SEZ6L: variants seen among roughly 807,000 people sequenced by gnomAD.
SEZ6L encodes seizure related 6 homolog like, also known as seizure 6-like protein.
SEZ6L carries 37 observed loss-of-function variants against 106.2 expected under a neutral mutation model. The observed-to-expected ratio is 0.35, with a 90% CI of 0.27 to 0.46. SEZ6L has a LOEUF of 0.46. Among genes scored for constraint, SEZ6L ranks in the 20% least tolerant of loss-of-function variants. SEZ6L has a pLI of 1.00. For missense variants in SEZ6L, 1,172 were observed against 1,332.8 expected, an observed-to-expected ratio of 0.88 and a Z score of 1.88; for synonymous variants, 541 against 570.4, an observed-to-expected ratio of 0.95 and a Z score of 0.73.
At chr22:26,301,416 C>T (rs2081451236) in intron 5 of SEZ6L, among the ~76,000 whole-genome samples, 1 of 152,192 alleles carries the variant, frequency 6.6e-6, no homozygotes, top group African/African-American at 2.4e-5. Flanking sequence ...TGACCCAGTT[C>T]CTGCTCTCAC....
intron 1 of SEZ6L, among the ~76,000 whole-genome samples, chr22:26,212,383 C>T (rs1381231859): frequency 6.6e-6 from 1 of 152,116 alleles, no homozygotes; most frequent in Non-Finnish European, 1.5e-5. Flanking sequence ...GAGTTGGAAA[C>T]CCCATTGCTC....
intron 13 of SEZ6L, among the ~76,000 whole-genome samples, 183 bp from the exon 14 acceptor site, chr22:26,373,268 T>G (rs1076660): frequency 0.71 from 108,557 of 152,034 alleles, 39,143 homozygotes; most frequent in East Asian, 0.98. Flanking sequence ...CTTCTCTTGG[T>G]AACTTAGGAA....
chr22:26,303,665 A>C (rs2081522157), intron 5 of SEZ6L, among the ~76,000 whole-genome samples: 1 of 152,226 alleles, frequency 6.6e-6, no homozygotes, highest in African/African-American at 2.4e-5. Context: ...TATTCAGTAA[A>C]TATTTACTGA....
intron 1 of SEZ6L, among the ~76,000 whole-genome samples, chr22:26,230,054 C>T (rs2145742843): frequency 6.6e-6 from 1 of 152,342 alleles, no homozygotes; most frequent in African/African-American, 2.4e-5. Context: ...GTGCCCGCAG[C>T]TGTGAAGACG....
intron 5 of SEZ6L, among the ~76,000 whole-genome samples, chr22:26,302,899 C>A (rs985832): frequency 0.082 from 12,467 of 152,300 alleles, 619 homozygotes; most frequent in Middle Eastern, 0.13. Flanking sequence ...CAGAGCCCCC[C>A]ACCAGGGACA....
At chr22:26,170,111 C>G (rs1380963936) in intron 1 of SEZ6L, among the ~76,000 whole-genome samples, 2 of 152,068 alleles carry the variant, frequency 1.3e-5, no homozygotes, top group African/African-American at 4.8e-5. Context: ...GCAACCGCAC[C>G]CGGGGCTAGG....
At chr22:26,369,347 T>C (rs1364926337) in intron 13 of SEZ6L, among the ~76,000 whole-genome samples, 1 of 76,412 alleles carries the variant, frequency 1.3e-5, no homozygotes, top group Non-Finnish European at 2.1e-5. Context: ...AGTTCTTTTG[T>C]TTTTTTTTTT....
Position 26,299,019 on chromosome 22 carries a change from G to C in SEZ6L, c.1198G>C (p.Asp400His). Residue 400 changes from aspartate to histidine, a missense_variant, in exon 5 of 17, where the codon GAC becomes CAC. This residue lies in a region of SEZ6L where 534 missense variants were observed against 691.0 expected (regional missense o/e 0.77). Coordinates refer to ENST00000248933, the MANE Select transcript of SEZ6L (RefSeq NM_021115.5). ...GAGCTGCAACTTTCCCCGCCGGCCT[G>C]ACTCTGGGGATGTCACGGTGATGGA... is the stretch of plus-strand genomic sequence containing the variant. Reference protein sequence around the residue: ...MLSCNFPRRPDSGDVTVMDLH... With the variant: ...MLSCNFPRRPHSGDVTVMDLH... 6.3e-7 allele frequency: 1 copy of C among 1,595,118 alleles called. No homozygotes were observed. Among genetic ancestry groups the C allele is most frequent in the Admixed American group, 1.7e-5 (1 of 57,206 alleles).
rs2081159036 is a variant in SEZ6L, at chr22:26,292,464, C to T, written c.153C>T (p.Ala51=). The T allele has an allele frequency of 1.2e-6, 2 of 1,613,852 alleles. No individual in the cohort carries two copies. Among genetic ancestry groups the T allele is most frequent in the African/African-American group, 2.7e-5 (2 of 74,906 alleles). Residue 51 remains alanine, a synonymous_variant, in exon 2 of 17, where the codon GCC becomes GCT. Transcript: ENST00000248933. ...PLGPYLLPSG[A]PERGSPGKEH... ...GTCCTTACCTCCTGCCCTCAGGAGCCCCGGAGAGAGGCAGTCCTGGCAAAG... is the reference window on the plus strand; with the variant it reads ...GTCCTTACCTCCTGCCCTCAGGAGCTCCGGAGAGAGGCAGTCCTGGCAAAG...
intron 1 of SEZ6L, among the ~76,000 whole-genome samples, chr22:26,285,212 C>T (rs1392780398): frequency 6.6e-6 from 1 of 152,156 alleles, no homozygotes; most frequent in African/African-American, 2.4e-5. Context: ...GCAGCTGTTG[C>T]CTGGGCCAGT....
At chr22:26,294,777 T>C (rs975374697) in intron 3 of SEZ6L, among the ~76,000 whole-genome samples, 5 of 151,860 alleles carry the variant, frequency 3.3e-5, no homozygotes, top group East Asian at 3.9e-4. Context: ...ACCTGATTCA[T>C]TTGATTCTTT....
intron 1 of SEZ6L, among the ~76,000 whole-genome samples, chr22:26,261,842 T>C (rs2080018295): frequency 6.6e-6 from 1 of 152,084 alleles, no homozygotes; most frequent in South Asian, 2.1e-4. Flanking sequence ...GATACGAGTA[T>C]TTTGGAGAAG....
chr22:26,282,451 G>A (rs1389491597), intron 1 of SEZ6L, among the ~76,000 whole-genome samples: 1 of 152,122 alleles, frequency 6.6e-6, no homozygotes, highest in Non-Finnish European at 1.5e-5. Flanking sequence ...TTGTTCTCAG[G>A]CCATTGAACC....
intron 5 of SEZ6L, among the ~76,000 whole-genome samples, chr22:26,299,571 T>C (rs1171337093): frequency 6.6e-6 from 1 of 152,264 alleles, no homozygotes; most frequent in East Asian, 1.9e-4. Flanking sequence ...TCATATAATA[T>C]GTGACTTTCA....
At chr22:26,213,020 G>C (rs1311318759) in intron 1 of SEZ6L, among the ~76,000 whole-genome samples, 1 of 152,206 alleles carries the variant, frequency 6.6e-6, no homozygotes, top group Non-Finnish European at 1.5e-5. Flanking sequence ...CCAAAGCCCA[G>C]TGCTAGATAT....
At chr22:26,331,227 G>A (rs1026093692) in intron 9 of SEZ6L, among the ~76,000 whole-genome samples, 1 of 152,200 alleles carries the variant, frequency 6.6e-6, no homozygotes, top group African/African-American at 2.4e-5. Flanking sequence ...AACCAGAGAT[G>A]GGTTCGCTGG....
At chr22:26,344,357 T>C (rs2082941105) in intron 10 of SEZ6L, among the ~76,000 whole-genome samples, 1 of 152,222 alleles carries the variant, frequency 6.6e-6, no homozygotes, top group South Asian at 2.1e-4. Context: ...GAAACAGAGA[T>C]AAGTAAGCAG....
intron 1 of SEZ6L, among the ~76,000 whole-genome samples, chr22:26,278,454 T>G (rs534803949): frequency 2.8e-4 from 42 of 152,274 alleles, no homozygotes; most frequent in African/African-American, 9.6e-4. Flanking sequence ...CCTCCCCACC[T>G]TTGGAGTCTC....
chr22:26,238,042 G>C (rs188545310), intron 1 of SEZ6L, among the ~76,000 whole-genome samples: 1 of 152,308 alleles, frequency 6.6e-6, no homozygotes, highest in African/African-American at 2.4e-5. Context: ...AAGTTCCCCG[G>C]GGGAGATGGA....
Sources: gnomAD v4.1 joint callset for allele counts (sites outside exome capture counted in the v4.1 genomes callset) on GRCh38, gnomAD v4.1.1 for gene constraint, gnomAD v4.1.1 regional missense constraint, MANE v1.5 for transcripts, NCBI Gene and HGNC (gene_info 2026-07-23, HGNC 2026-07-21) for gene names.